The following RAP1B variants were observed in gnomAD, a reference collection of about 807,000 sequenced individuals.
The protein encoded by RAP1B is ras-related protein Rap-1b.
RAP1B carries 1 observed loss-of-function variant against 27.5 expected under a neutral mutation model. The observed-to-expected ratio is 0.04, with a 90% CI of 0.01 to 0.17. RAP1B has a LOEUF of 0.17. Among genes scored for constraint, RAP1B ranks in the 10% least tolerant of loss-of-function variants. The pLI is 1.00. For synonymous variants in RAP1B, 75 were observed against 73.1 expected, an observed-to-expected ratio of 1.03 and a Z score of -0.13; for missense variants, 84 against 214.8, an observed-to-expected ratio of 0.39 and a Z score of 3.81.
At chr12:68,655,171 T>G (rs925109406) in intron 5 of RAP1B, among the ~76,000 whole-genome samples, 1 of 151,694 alleles carries the variant, frequency 6.6e-6, no homozygotes, top group Non-Finnish European at 1.5e-5. Context: ...AAAAAAAAAT[T>G]AGCCAGCATG....
chr12:68,611,346 AC>A (rs1417698746), intron 1 of RAP1B, among the ~76,000 whole-genome samples: 1 of 113,454 alleles, frequency 8.8e-6, no homozygotes, highest in South Asian at 3.1e-4. Flanking sequence ...GAGCCCGAGG[AC>A]CCCCCCACCC....
chr12:68,650,408 A>G lies in RAP1B; in HGVS notation c.66A>G (p.Gln22=), dbSNP rs17224992. The change falls in exon 3 of 8, where the codon CAA becomes CAG. Residue 22 remains glutamine (Q), a synonymous_variant. Transcript: ENST00000250559. Reference sequence around the variant, plus strand: ...CTTAATTTTTTTTTCAGACTGTACAATTTGTTCAAGGAATTTTTGTAGAAA... The same window carrying G: ...CTTAATTTTTTTTTCAGACTGTACAGTTTGTTCAAGGAATTTTTGTAGAAA... The part of the protein sequence containing the change: ...GGVGKSALTV[Q]FVQGIFVEKY... The G allele has an allele frequency of 1.3e-6, 2 of 1,561,926 alleles. No individual in the cohort carries two copies. Among genetic ancestry groups the G allele is most frequent in the South Asian group, 1.2e-5 (1 of 83,912 alleles).
chr12:68,660,645 C>G lies in RAP1B; in HGVS notation c.*1396C>G, dbSNP rs968602391. The G allele has an allele frequency of 1.3e-5, 2 of 152,506 alleles. No individual in the cohort carries two copies. Among genetic ancestry groups the G allele is most frequent in the African/African-American group, 4.8e-5 (2 of 41,460 alleles). 9.4% of individuals were successfully genotyped at this position (152,506 alleles called of 1,614,324 possible). On this transcript the variant is annotated 3_prime_UTR_variant, in exon 8 of 8. Coordinates refer to ENST00000250559, the MANE Select transcript of RAP1B (RefSeq NM_001010942.3). Reference sequence around the variant, plus strand: ...ACAGCATGGTTTCATAATTTAACATCTGGGCAAGCCAGACTCATTAATTAC... The same window carrying G: ...ACAGCATGGTTTCATAATTTAACATGTGGGCAAGCCAGACTCATTAATTAC...
intron 1 of RAP1B, among the ~76,000 whole-genome samples, chr12:68,611,833 G>A (rs1466846064): frequency 6.6e-6 from 1 of 152,154 alleles, no homozygotes; most frequent in Non-Finnish European, 1.5e-5. Flanking sequence ...GCCATCTCGA[G>A]GTGTCTAATC....
At chr12:68,635,779 AG>A in intron 1 of RAP1B, among the ~76,000 whole-genome samples, 1 of 151,998 alleles carries the variant, frequency 6.6e-6, no homozygotes, top group South Asian at 2.1e-4. Flanking sequence ...TTTATAATTT[AG>A]GGTCACAGAA....
In RAP1B at chr12:68,669,582, C is replaced by T. The variant is rs1167312445; in HGVS notation, c.*10333C>T. The T allele has an allele frequency of 1.3e-5, 2 of 152,210 alleles. No homozygotes were observed. Among genetic ancestry groups the T allele is most frequent in the African/African-American group, 2.4e-5 (1 of 41,434 alleles). The allele number at this position is 152,210 out of a possible 1,614,324, so 9.4% of individuals were successfully genotyped here. A position where few individuals can be genotyped will look rare whatever the true frequency, so the allele number is the denominator to read the frequency against. On this transcript the variant is annotated 3_prime_UTR_variant, in exon 8 of 8. Coordinates refer to ENST00000250559, the MANE Select transcript of RAP1B (RefSeq NM_001010942.3). ...CTTTCGGAGGCCGAGGGGGGCGGAT[C>T]ACGAGGTCAGGAGATGGAGACCATC...
At position 68,652,033 on chromosome 12, in the gene RAP1B, C is replaced by A. The variant is rs146904901; in HGVS notation, c.165C>A (p.Ile55=). The A allele has an allele frequency of 1.2e-6, 2 of 1,612,688 alleles. No individual in the cohort carries two copies. The highest frequency in any genetic ancestry group is 3.3e-5 in the Admixed American group (2 of 59,980). Residue 55 remains isoleucine, a synonymous_variant, in exon 4 of 8, where the codon ATC becomes ATA. Coordinates refer to ENST00000250559, the MANE Select transcript of RAP1B (RefSeq NM_001010942.3). ...EVDAQQCMLE[I]LDTAGTEQFT... is the part of the protein sequence containing the mutation. ...ATGCACAACAGTGTATGCTTGAAATCTTGGATACTGCAGGAACGGTAGGTA... is the reference window on the plus strand; with the variant it reads ...ATGCACAACAGTGTATGCTTGAAATATTGGATACTGCAGGAACGGTAGGTA...
At chr12:68,653,794 G>A (rs1480456320) in intron 4 of RAP1B, among the ~76,000 whole-genome samples, 1 of 151,904 alleles carries the variant, frequency 6.6e-6, no homozygotes, top group Non-Finnish European at 1.5e-5. Flanking sequence ...AGCCGGGCAT[G>A]GTGGTGTGCG....
rs1874555155 is a variant in RAP1B at position 68,660,833 on chromosome 12, G to A, written c.*1584G>A. ...CTATTTGATGAGGTAGGTAAAAGAGGAACGATTTAACATACTTTCATGGAT... is the reference window on the plus strand; with the variant it reads ...CTATTTGATGAGGTAGGTAAAAGAGAAACGATTTAACATACTTTCATGGAT... On this transcript the variant is annotated 3_prime_UTR_variant, in exon 8 of 8. Transcript: ENST00000250559. 6.6e-6 allele frequency: 1 copy of A among 152,108 alleles called. No individual in the cohort carries two copies. The highest frequency in any genetic ancestry group is 1.5e-5 in the Non-Finnish European group (1 of 68,010). The allele number at this position is 152,108 out of a possible 1,614,324, so 9.4% of individuals were successfully genotyped here. A position where few individuals can be genotyped will look rare whatever the true frequency, so the allele number is the denominator to read the frequency against.
intron 1 of RAP1B, among the ~76,000 whole-genome samples, chr12:68,618,211 C>T (rs1871156451): frequency 6.7e-6 from 1 of 149,180 alleles, no homozygotes; most frequent in South Asian, 2.1e-4. Context: ...CTCAGCCTCT[C>T]GAGTAGCTGG....
intron 1 of RAP1B, among the ~76,000 whole-genome samples, chr12:68,637,316 G>A (rs1872692126): frequency 6.6e-6 from 1 of 152,094 alleles, no homozygotes; most frequent in Non-Finnish European, 1.5e-5. Flanking sequence ...CCAGCCTAGA[G>A]GCCGAGTGCA....
At chr12:68,648,027 C>G (rs940959269) in intron 1 of RAP1B, 1 of 152,050 alleles carries the variant, frequency 6.6e-6, no homozygotes, top group Admixed American at 6.6e-5. Context: ...TGTAATGCCC[C>G]CACCCTGGAA....
intron 1 of RAP1B, among the ~76,000 whole-genome samples, chr12:68,627,692 C>T (rs545344679): frequency 8.5e-5 from 13 of 152,214 alleles, no homozygotes; most frequent in Admixed American, 2.0e-4. Context: ...TAACTAAAAG[C>T]GTCTTTTATC....
At chr12:68,620,669 C>T (rs1871327751) in intron 1 of RAP1B, among the ~76,000 whole-genome samples, 2 of 150,840 alleles carry the variant, frequency 1.3e-5, no homozygotes, top group East Asian at 1.9e-4. Flanking sequence ...GTCACAACCA[C>T]GACTCACTGA....
At chr12:68,634,545 C>G (rs1221405288) in intron 1 of RAP1B, among the ~76,000 whole-genome samples, 8 of 151,822 alleles carry the variant, frequency 5.3e-5, no homozygotes, top group Admixed American at 1.3e-4. Context: ...TTGGAAAGAT[C>G]TGATAGAAAC....
chr12:68,620,708 C>G (rs1031959830), intron 1 of RAP1B, among the ~76,000 whole-genome samples: 2 of 151,626 alleles, frequency 1.3e-5, no homozygotes, highest in Non-Finnish European at 2.9e-5. Flanking sequence ...TCAGTTGATG[C>G]ATCTCAGCGT....
In RAP1B at chr12:68,669,277, T is replaced by C. The variant is rs1874976714; in HGVS notation, c.*10028T>C. 6.6e-6 allele frequency: 1 copy of C among 152,220 alleles called. No individual in the cohort carries two copies. The highest frequency in any genetic ancestry group is 6.5e-5 in the Admixed American group (1 of 15,284). The allele number at this position is 152,220 out of a possible 1,614,324, so 9.4% of individuals were successfully genotyped here. A position where few individuals can be genotyped will look rare whatever the true frequency, so the allele number is the denominator to read the frequency against. On this transcript the variant is annotated 3_prime_UTR_variant, in exon 8 of 8. Transcript: ENST00000250559. ...TAAATCAAGATCTGAACAAATACAC[T>C]GGGAAGATAATATCATAAAAATATC...
In RAP1B at chr12:68,666,008, A is replaced by G. The variant is rs916339138; in HGVS notation, c.*6759A>G. On this transcript the variant is annotated 3_prime_UTR_variant, in exon 8 of 8. Transcript: ENST00000250559. ...GCTGGGATTACAGGCATCTGCCACC[A>G]AGCCCTGCTAATTTTTCTATTTTTA... 2 of 152,154 alleles carry G rather than the reference A, an allele frequency of 1.3e-5. No homozygotes were observed. Among genetic ancestry groups the G allele is most frequent in the Non-Finnish European group, 2.9e-5 (2 of 68,094 alleles). The allele number at this position is 152,154 out of a possible 1,614,324, so 9.4% of individuals were successfully genotyped here. A position where few individuals can be genotyped will look rare whatever the true frequency, so the allele number is the denominator to read the frequency against.
chr12:68,642,721 G>T, intron 1 of RAP1B: 1 of 1,093,394 alleles, frequency 9.1e-7, no homozygotes, highest in South Asian at 1.2e-5. Context: ...CTTTTTCTTC[G>T]GCATCCACCT....
Sources: allele counts gnomAD v4.1 joint callset (sites outside exome capture counted in the v4.1 genomes callset), GRCh38; gene constraint gnomAD v4.1.1; transcripts MANE v1.5; gene names NCBI Gene and HGNC (gene_info 2026-07-23, HGNC 2026-07-21).